Variants in LRP1B observed in about 807,000 individuals in gnomAD.
The protein encoded by LRP1B is low-density lipoprotein receptor-related protein 1B.
A neutral mutation model predicts 556.6 loss-of-function variants in LRP1B; 217 were observed. The ratio of observed to expected loss-of-function variants is 0.39; its 90% CI spans 0.35 to 0.44. The LOEUF is 0.44. Among genes scored for constraint, LRP1B ranks in the 20% least tolerant of loss-of-function variants. The pLI is 1.00. For synonymous variants in LRP1B, 2,047 were observed against 1,865.8 expected, an observed-to-expected ratio of 1.10 and a Z score of -2.50; for missense variants, 5,053 against 5,620.8, an observed-to-expected ratio of 0.90 and a Z score of 3.23.
At chr2:140,749,212 AG>A (rs1324337436) in intron 35 of LRP1B, among the ~76,000 whole-genome samples, 1 of 152,150 alleles carries the variant, frequency 6.6e-6, no homozygotes, top group Non-Finnish European at 1.5e-5. Context: ...CCAGTGAATG[AG>A]TGTTGAGTAA....
At chr2:141,554,711 A>G (rs1273390245) in intron 2 of LRP1B, among the ~76,000 whole-genome samples, 1 of 152,000 alleles carries the variant, frequency 6.6e-6, no homozygotes, top group Non-Finnish European at 1.5e-5. Flanking sequence ...ATATTCTCAC[A>G]TATACCTACC....
intron 1 of LRP1B, among the ~76,000 whole-genome samples, chr2:141,876,694 G>A (rs1698771238): frequency 6.6e-6 from 1 of 151,834 alleles, no homozygotes; most frequent in African/African-American, 2.4e-5. Context: ...AGGAGAATAT[G>A]ATAAATGAAC....
At chr2:140,960,077 A>G (rs13016717) in intron 18 of LRP1B, among the ~76,000 whole-genome samples, 22,245 of 151,636 alleles carry the variant, frequency 0.15, 1,688 homozygotes, top group East Asian at 0.27. Flanking sequence ...TTCCACTGAA[A>G]ATAATACACC....
intron 60 of LRP1B, among the ~76,000 whole-genome samples, chr2:140,462,672 A>G (rs991715570): frequency 1.3e-5 from 2 of 152,198 alleles, no homozygotes; most frequent in Non-Finnish European, 2.9e-5. Context: ...GGTAGTCCAC[A>G]TAAGTCAGCT....
chr2:142,086,840 A>C (rs189857285), intron 1 of LRP1B, among the ~76,000 whole-genome samples: 163 of 152,316 alleles, frequency 1.1e-3, no homozygotes, highest in Admixed American at 3.7e-3. Flanking sequence ...ATACTGTATC[A>C]GAGTTAGGTA....
chr2:141,725,846 G>GAA (rs145173290), intron 2 of LRP1B, among the ~76,000 whole-genome samples: 2,477 of 148,756 alleles, frequency 0.017, 75 homozygotes, highest in African/African-American at 0.058. Flanking sequence ...TGATAATTTT[G>GAA]AAAAAAAAAA....
chr2:142,083,533 GATA>G (rs1413222745), intron 1 of LRP1B, among the ~76,000 whole-genome samples: 1 of 152,160 alleles, frequency 6.6e-6, no homozygotes, highest in Non-Finnish European at 1.5e-5. Context: ...TGTGTAAACA[GATA>G]ATATTTAGAT....
chr2:140,903,917 A>G (rs913172132), intron 22 of LRP1B, among the ~76,000 whole-genome samples: 2 of 152,054 alleles, frequency 1.3e-5, no homozygotes, highest in Admixed American at 1.3e-4. Flanking sequence ...ACATATGATT[A>G]CATATATAAT....
intron 5 of LRP1B, among the ~76,000 whole-genome samples, chr2:141,229,766 C>T (rs1225045195): frequency 6.6e-6 from 1 of 152,150 alleles, no homozygotes; most frequent in Non-Finnish European, 1.5e-5. Flanking sequence ...TGGATCTAGA[C>T]TGACCTCTCC....
At chr2:141,161,674 A>T (rs371477761) in intron 7 of LRP1B, among the ~76,000 whole-genome samples, 59 of 152,254 alleles carry the variant, frequency 3.9e-4, no homozygotes, top group African/African-American at 1.4e-3. Flanking sequence ...TTCAGAGCAG[A>T]AGGCAGATTT....
chr2:141,380,278 A>C (rs1328829123), intron 3 of LRP1B, among the ~76,000 whole-genome samples: 1 of 151,756 alleles, frequency 6.6e-6, no homozygotes, highest in Non-Finnish European at 1.5e-5. Flanking sequence ...GTTTGGCTAC[A>C]CATCTAATAT....
Position 141,667,930 on chromosome 2 carries a change from TTTAA to T in LRP1B, c.205+142345_205+142348del, listed in dbSNP as rs765860428. Among the ~76,000 whole-genome samples, 45 of 152,208 alleles carry T rather than the reference TTTAA, an allele frequency of 3.0e-4. 1 individual carries two copies. Among genetic ancestry groups the T allele is most frequent in the Non-Finnish European group, 4.4e-5 (3 of 68,030 alleles). On this transcript the variant is annotated intron_variant, in intron 2 of 90. Transcript: ENST00000389484. ...ACCCATCTGAGCCTTCATTTCCTCC[TTTAA>T]TTAAGAAGAAAGTAATACATGCTTT...
At chr2:141,383,811 ATAGAAGCAGAGAG>A (rs1236492797) in intron 3 of LRP1B, among the ~76,000 whole-genome samples, 11 of 152,228 alleles carry the variant, frequency 7.2e-5, no homozygotes, top group African/African-American at 2.7e-4. Flanking sequence ...AGTCAAACTC[ATAGAAGCAGAGAG>A]TAGAACGGTA....
In LRP1B at chr2:140,471,866, T is replaced by C. The variant is rs755707941; in HGVS notation, c.9625+3272A>G. Among the ~76,000 whole-genome samples, 168 of 152,186 alleles carry C rather than the reference T, an allele frequency of 1.1e-3. 3 individuals are homozygous for C. Among genetic ancestry groups the C allele is most frequent in the Non-Finnish European group, 3.4e-4 (23 of 68,020 alleles). ...GTCATTATCTCCTTCTTATATGACT[T>C]CCAGTCATAGGCAAATTGAGTAAAC... On this transcript the variant is annotated intron_variant, in intron 60 of 90. Transcript: ENST00000389484.
At chr2:141,076,610 A>G (rs1699792895) in intron 7 of LRP1B, among the ~76,000 whole-genome samples, 1 of 152,180 alleles carries the variant, frequency 6.6e-6, no homozygotes, top group Admixed American at 6.5e-5. Context: ...CATCTTAACA[A>G]ATAAGAAACA....
At chr2:141,329,663 A>AAAAAAC (rs1553497047) in intron 3 of LRP1B, among the ~76,000 whole-genome samples, 10 of 137,408 alleles carry the variant, frequency 7.3e-5, no homozygotes, top group South Asian at 4.5e-4. Context: ...AAAAAAAAAA[A>AAAAAAC]AACTATCTCT....
intron 6 of LRP1B, among the ~76,000 whole-genome samples, chr2:141,193,627 A>G (rs1681616111): frequency 6.6e-6 from 1 of 151,740 alleles, no homozygotes; most frequent in Non-Finnish European, 1.5e-5. Context: ...AGAAAAGACA[A>G]CTTTTGGGGA....
chr2:141,731,454 C>G (rs1482085809), intron 2 of LRP1B, among the ~76,000 whole-genome samples: 3 of 152,204 alleles, frequency 2.0e-5, no homozygotes, highest in African/African-American at 4.8e-5. Context: ...ATTGAAGATG[C>G]AGGTAAAAGT....
intron 2 of LRP1B, among the ~76,000 whole-genome samples, chr2:141,497,867 G>A (rs1278023796): frequency 6.6e-6 from 1 of 151,672 alleles, no homozygotes; most frequent in Non-Finnish European, 1.5e-5. Context: ...ATGAAAATAA[G>A]AGAATAAAAA....
Sources: allele counts gnomAD v4.1 joint callset (sites outside exome capture counted in the v4.1 genomes callset), GRCh38; gene constraint gnomAD v4.1.1; transcripts MANE v1.5; gene names NCBI Gene and HGNC (gene_info 2026-07-23, HGNC 2026-07-21).